IL6R: variants seen among roughly 807,000 people sequenced by gnomAD.
IL6R encodes interleukin-6 receptor subunit alpha.
A neutral mutation model predicts 48.3 loss-of-function variants in IL6R; 38 were observed. That is an observed-to-expected ratio of 0.79 (90% CI 0.61 to 1.03). IL6R has a LOEUF of 1.03. IL6R is among the 50% of genes least tolerant of loss of function. IL6R has a pLI of 0.00. For missense variants in IL6R, 534 were observed against 618.3 expected, an observed-to-expected ratio of 0.86 and a Z score of 1.45; for synonymous variants, 264 against 256.2, an observed-to-expected ratio of 1.03 and a Z score of -0.29.
intron 1 of IL6R, among the ~76,000 whole-genome samples, chr1:154,420,161 A>C (rs528508867): frequency 6.6e-6 from 1 of 152,244 alleles, no homozygotes; most frequent in South Asian, 2.1e-4. Context: ...CACTGGGATG[A>C]TCTGGTCATC....
chr1:154,417,638 C>T (rs936155906), intron 1 of IL6R, among the ~76,000 whole-genome samples: 3 of 151,984 alleles, frequency 2.0e-5, no homozygotes, highest in African/African-American at 4.8e-5. Flanking sequence ...GGTGCGATCT[C>T]GGCTCACTGC....
rs1170403303 is a variant in IL6R at position 154,429,368 on chromosome 1, G to T, written c.258G>T (p.Val86=). 1 of 1,613,998 alleles carries T rather than the reference G, an allele frequency of 6.2e-7. No individual in the cohort carries two copies. The change falls in exon 2 of 10, where the codon GTG becomes GTT. Residue 86 remains valine (V), a synonymous_variant. Transcript: ENST00000368485. ...GMGRRLLLRS[V]QLHDSGNYSC... Reference sequence around the variant, plus strand: ...GAAGGAGGCTGCTGCTGAGGTCGGTGCAGCTCCACGACTCTGGAAACTATT... The same window carrying T: ...GAAGGAGGCTGCTGCTGAGGTCGGTTCAGCTCCACGACTCTGGAAACTATT...
At chr1:154,445,069 G>A (rs748151439) in intron 6 of IL6R, 4 of 456,012 alleles carry the variant, frequency 8.8e-6, no homozygotes, top group African/African-American at 4.0e-5. Flanking sequence ...AGACCATCCC[G>A]GGTGGCATTT....
At chr1:154,455,854 C>T (rs555442571) in intron 9 of IL6R, among the ~76,000 whole-genome samples, 30 of 151,756 alleles carry the variant, frequency 2.0e-4, no homozygotes, top group African/African-American at 6.8e-4. Context: ...GTCAGGAGTT[C>T]GAGACCAGCC....
At chr1:154,408,496 C>T (rs374850921) in intron 1 of IL6R, among the ~76,000 whole-genome samples, 5 of 152,104 alleles carry the variant, frequency 3.3e-5, no homozygotes, top group Admixed American at 6.5e-5. Context: ...ACCAACTACC[C>T]GTGAACAGAT....
chr1:154,450,447 T>C (rs1319641642), intron 8 of IL6R, among the ~76,000 whole-genome samples: 2 of 152,154 alleles, frequency 1.3e-5, no homozygotes, highest in African/African-American at 4.8e-5. Context: ...TATTACTTTA[T>C]ATGTTGAACT....
intron 3 of IL6R, among the ~76,000 whole-genome samples, chr1:154,433,459 TGCTGG>T (rs1689423540): frequency 6.6e-6 from 1 of 152,214 alleles, no homozygotes; most frequent in Admixed American, 6.5e-5. Flanking sequence ...GTGGCATTTC[TGCTGG>T]GTGTCTAGTC....
At chr1:154,453,606 C>T (rs1355065747) in intron 8 of IL6R, among the ~76,000 whole-genome samples, 2 of 152,206 alleles carry the variant, frequency 1.3e-5, no homozygotes, top group African/African-American at 4.8e-5. Context: ...CTGGTTTGTT[C>T]TTTCCTTCAT....
intron 6 of IL6R, among the ~76,000 whole-genome samples, chr1:154,445,934 C>T (rs1690202429): frequency 6.6e-6 from 1 of 151,818 alleles, no homozygotes; most frequent in African/African-American, 2.4e-5. Context: ...TTCTTGTTTT[C>T]TTCTTTTTTT....
chr1:154,414,964 C>A lies in IL6R; in HGVS notation c.85+9250C>A, dbSNP rs540338848. 19 of 1,397,544 alleles carry A rather than the reference C, an allele frequency of 1.4e-5. No individual in the cohort carries two copies. The South Asian group carries it at 2.3e-4, about 17-fold the overall frequency. The allele number at this position is 1,397,544 out of a possible 1,614,324, so 86.6% of individuals were successfully genotyped here. On this transcript the variant is annotated intron_variant, in intron 1 of 9. Transcript: ENST00000368485. Reference sequence around the variant, plus strand: ...CTCGCATAGGATGCTCCACTGGCCCCGATCTTCAGTATGTCACGGGCCAGA... The same window carrying A: ...CTCGCATAGGATGCTCCACTGGCCCAGATCTTCAGTATGTCACGGGCCAGA...
intron 3 of IL6R, among the ~76,000 whole-genome samples, chr1:154,432,628 G>C (rs1570958040): frequency 6.6e-6 from 1 of 152,210 alleles, no homozygotes; most frequent in Non-Finnish European, 1.5e-5. Context: ...AAAGTGCTGG[G>C]ATTACAGGCG....
intron 6 of IL6R, among the ~76,000 whole-genome samples, chr1:154,445,639 A>G (rs1174835594): frequency 6.6e-6 from 1 of 151,824 alleles, no homozygotes. Flanking sequence ...AGTCCCAGCT[A>G]CTCAGGAGGC....
intron 1 of IL6R, chr1:154,414,885 A>T: frequency 3.7e-6 from 3 of 818,396 alleles, no homozygotes; most frequent in Non-Finnish European, 6.3e-6. Context: ...GTTCCTTGTA[A>T]TCAAAGTAGC....
At position 154,465,935 on chromosome 1, in the gene IL6R, T is replaced by G. The variant is rs998555763; in HGVS notation, c.*555T>G. On this transcript the variant is annotated 3_prime_UTR_variant, in exon 10 of 10. Transcript: ENST00000368485. ...AACCGCCAAGGCTGGGGGAAGAAGC[T>G]CTCTCCTCCCTTTCTTCCCTACAGT... 2 of 155,958 alleles carry G rather than the reference T, an allele frequency of 1.3e-5. No individual in the cohort carries two copies. The highest frequency in any genetic ancestry group is 4.8e-5 in the African/African-American group (2 of 41,458). The allele number at this position is 155,958 out of a possible 1,614,324, so 9.7% of individuals were successfully genotyped here.
intron 6 of IL6R, among the ~76,000 whole-genome samples, chr1:154,440,691 G>A (rs374733207): frequency 9.5e-5 from 12 of 125,942 alleles, no homozygotes; most frequent in African/African-American, 3.3e-4. Context: ...GTCTCACCCT[G>A]TCACCCAGTC....
At chr1:154,419,840 A>C (rs911547917) in intron 1 of IL6R, among the ~76,000 whole-genome samples, 2 of 152,206 alleles carry the variant, frequency 1.3e-5, no homozygotes, top group Non-Finnish European at 2.9e-5. Context: ...AAGAGGGGGA[A>C]AAAGTAGAAA....
intron 1 of IL6R, among the ~76,000 whole-genome samples, chr1:154,418,237 T>G (rs1043278440): frequency 7.9e-5 from 12 of 152,242 alleles, no homozygotes; most frequent in Non-Finnish European, 1.5e-5. Flanking sequence ...CTTCTTGGAC[T>G]GGAGCCAGGT....
chr1:154,462,035 A>T (rs145089856), intron 9 of IL6R, among the ~76,000 whole-genome samples: 34 of 152,342 alleles, frequency 2.2e-4, no homozygotes, highest in Non-Finnish European at 4.3e-4. Flanking sequence ...ACGGGGATGC[A>T]GATGGTCAGT....
In IL6R at chr1:154,449,696, G is replaced by C. The variant is rs953697220; in HGVS notation, c.997-215G>C. On this transcript the variant is annotated intron_variant, in intron 7 of 9. Coordinates refer to ENST00000368485, the MANE Select transcript of IL6R (RefSeq NM_000565.4). ...GCTTTAAGCTTTTGGTGGAGAGGCA[G>C]GTGGAAAGAAAGCCCCACCTTTAGC... is the stretch of plus-strand genomic sequence containing the variant. Among the ~76,000 whole-genome samples, 5 of 152,164 alleles carry C rather than the reference G, an allele frequency of 3.3e-5. No homozygotes were observed. The South Asian group carries it at 1.0e-3, about 32-fold the overall frequency.
Sources: allele counts gnomAD v4.1 joint callset (sites outside exome capture counted in the v4.1 genomes callset), GRCh38; gene constraint gnomAD v4.1.1; transcripts MANE v1.5; gene names NCBI Gene and HGNC (gene_info 2026-07-23, HGNC 2026-07-21).